Variants in EXOC6B observed in about 807,000 individuals in gnomAD.
EXOC6B encodes the protein SEC15 homolog B.
Under a neutral mutation model 113.5 loss-of-function variants are expected in EXOC6B, and 54 were observed. That is an observed-to-expected ratio of 0.48 (90% CI 0.38 to 0.60). The LOEUF is 0.60. EXOC6B is among the 20% of genes least tolerant of loss of function. EXOC6B has a pLI of 0.00. For synonymous variants in EXOC6B, 357 were observed against 339.0 expected (o/e 1.05, Z -0.58); for missense variants, 797 against 977.5 (o/e 0.82, Z 2.46).
intron 6 of EXOC6B, among the ~76,000 whole-genome samples, chr2:72,675,178 T>C (rs1260364448): frequency 6.6e-6 from 1 of 152,200 alleles, no homozygotes; most frequent in Non-Finnish European, 1.5e-5. Flanking sequence ...TCAAGGAATA[T>C]CACTAACTGG....
intron 20 of EXOC6B, among the ~76,000 whole-genome samples, chr2:72,208,111 G>A (rs1285966005): frequency 6.6e-6 from 1 of 152,058 alleles, no homozygotes; most frequent in Non-Finnish European, 1.5e-5. Flanking sequence ...TTTAGATACA[G>A]GGGGTATATG....
intron 20 of EXOC6B, among the ~76,000 whole-genome samples, chr2:72,332,787 C>G (rs1302483694): frequency 6.6e-6 from 1 of 152,050 alleles, no homozygotes; most frequent in Non-Finnish European, 1.5e-5. Flanking sequence ...AACATAGTCC[C>G]AGGTTTTCTG....
chr2:72,296,581 C>G (rs570735916), intron 20 of EXOC6B, among the ~76,000 whole-genome samples: 2 of 151,952 alleles, frequency 1.3e-5, no homozygotes, highest in African/African-American at 4.8e-5. Context: ...AAAAAGTGTT[C>G]CAGGTGTTTC....
chr2:72,280,709 G>A (rs1404622738), intron 20 of EXOC6B, among the ~76,000 whole-genome samples: 2 of 152,114 alleles, frequency 1.3e-5, no homozygotes. Context: ...TCAGAGAGTT[G>A]CTGAGGCATC....
At chr2:72,250,601 C>T (rs1489549520) in intron 20 of EXOC6B, among the ~76,000 whole-genome samples, 9 of 151,640 alleles carry the variant, frequency 5.9e-5, no homozygotes, top group Admixed American at 5.3e-4. Flanking sequence ...ACCTCAGCCC[C>T]CTAAATTGCT....
At chr2:72,404,458 C>T (rs564122760) in intron 18 of EXOC6B, among the ~76,000 whole-genome samples, 1 of 152,204 alleles carries the variant, frequency 6.6e-6, no homozygotes, top group African/African-American at 2.4e-5. Context: ...AGGCACCCCC[C>T]AGTAGGGGCA....
chr2:72,514,937 G>A, intron 9 of EXOC6B, 106 bp downstream of exon 9: 1 of 1,058,984 alleles, frequency 9.4e-7, no homozygotes, highest in South Asian at 1.5e-5. Context: ...CAGAATGACA[G>A]TAAACACACA....
chr2:72,751,277 T>A (rs1682025311), intron 1 of EXOC6B, among the ~76,000 whole-genome samples: 1 of 152,066 alleles, frequency 6.6e-6, no homozygotes, highest in South Asian at 2.1e-4. Context: ...TAGATTGGTA[T>A]GATCTGGAAG....
At chr2:72,477,138 T>C (rs1392344663) in intron 17 of EXOC6B, among the ~76,000 whole-genome samples, 1 of 152,208 alleles carries the variant, frequency 6.6e-6, no homozygotes, top group East Asian at 1.9e-4. Flanking sequence ...AATATCATCT[T>C]TACACTGGTG....
In EXOC6B at chr2:72,825,853, G is replaced by T. The variant is rs774056505; in HGVS notation, c.58C>A (p.Arg20=). 1 of 1,613,454 alleles carries T rather than the reference G, an allele frequency of 6.2e-7. No individual in the cohort carries two copies. Among genetic ancestry groups the T allele is most frequent in the Non-Finnish European group, 8.5e-7 (1 of 1,179,674 alleles). The change falls in exon 1 of 22, where the codon CGG becomes AGG. Residue 20 remains arginine, a synonymous_variant. Transcript: ENST00000272427. The surrounding 1 kb of genome is among the most constrained non-coding windows in gnomAD (Gnocchi z 4.4). ...GTGCTCTCGATCTCTCGCAGGATCC[G>T]CTCGTGCTCTGCCGCTGTCTCCAGG... ...ESLETAAEHE[R]ILREIESTDT... is the part of the protein sequence containing the mutation.
intron 20 of EXOC6B, among the ~76,000 whole-genome samples, chr2:72,266,799 A>C (rs1240477169): frequency 6.6e-6 from 1 of 151,980 alleles, no homozygotes; most frequent in Non-Finnish European, 1.5e-5. Flanking sequence ...GAAGAAAGTC[A>C]TTGGTAGCTT....
intron 18 of EXOC6B, 31 bp downstream of exon 18, chr2:72,465,129 A>G (rs1390762040): frequency 1.4e-6 from 2 of 1,414,302 alleles, no homozygotes; most frequent in South Asian, 1.2e-5. Context: ...CTTTTTATAT[A>G]TAAAGGACAA....
chr2:72,487,039 C>A (rs573692618), intron 16 of EXOC6B, among the ~76,000 whole-genome samples: 1 of 152,136 alleles, frequency 6.6e-6, no homozygotes, highest in Non-Finnish European at 1.5e-5. Context: ...TATTTTAGGA[C>A]AGTTTTGTAT....
At chr2:72,495,346 G>A (rs1476924792) in intron 15 of EXOC6B, 84 bp downstream of exon 15, 6 of 693,722 alleles carry the variant, frequency 8.6e-6, no homozygotes, top group Admixed American at 3.3e-5. Flanking sequence ...GGGCTGACGG[G>A]ACTATCAAAA....
At chr2:72,671,747 C>CAGAG (rs1166507648) in intron 6 of EXOC6B, among the ~76,000 whole-genome samples, 55 of 84,904 alleles carry the variant, frequency 6.5e-4, no homozygotes, top group African/African-American at 2.8e-3. Flanking sequence ...GAGAGAGAGA[C>CAGAG]AGAGAAAGAA....
chr2:72,525,619 A>G (rs1173655139), intron 8 of EXOC6B, among the ~76,000 whole-genome samples: 2 of 152,174 alleles, frequency 1.3e-5, no homozygotes, highest in African/African-American at 2.4e-5. Context: ...TTATCTGCAT[A>G]TAACTGTGCA....
intron 1 of EXOC6B, among the ~76,000 whole-genome samples, chr2:72,762,056 C>T (rs1426493125): frequency 1.3e-5 from 2 of 151,884 alleles, no homozygotes; most frequent in Admixed American, 6.6e-5. Context: ...CCATCCTAGC[C>T]AACATGGTAA....
intron 20 of EXOC6B, among the ~76,000 whole-genome samples, chr2:72,194,898 C>A (rs180928989): frequency 2.0e-5 from 3 of 152,242 alleles, no homozygotes; most frequent in Admixed American, 1.3e-4. Context: ...AACTCCTCTT[C>A]TTTTCCCTAG....
chr2:72,202,832 C>T lies in EXOC6B; in HGVS notation c.2197-18645G>A, dbSNP rs1021390955. ...GCTAAATATTCCCCAAACTTTCCCA[C>T]CTCCTGTCCCCTTTATGGATTTCAC... On this transcript the variant is annotated intron_variant, in intron 20 of 21. Coordinates refer to ENST00000272427, the MANE Select transcript of EXOC6B (RefSeq NM_015189.3). 2.6e-5 allele frequency among the ~76,000 whole-genome samples: 4 copies of T among 152,150 alleles called. No individual in the cohort carries two copies. In the East Asian group the frequency reaches 7.7e-4, roughly 29 times the overall value.
Sources: allele counts gnomAD v4.1 joint callset (sites outside exome capture counted in the v4.1 genomes callset), GRCh38; gene constraint gnomAD v4.1.1; non-coding constraint Gnocchi (gnomAD v3.1); transcripts MANE v1.5; gene names NCBI Gene and HGNC (gene_info 2026-07-23, HGNC 2026-07-21).